NEGR1: variants seen among roughly 807,000 people sequenced by gnomAD.
NEGR1 encodes the protein IgLON family member 4.
Under a neutral mutation model 40.9 loss-of-function variants are expected in NEGR1, and 10 were observed. The observed-to-expected ratio is 0.24, with a 90% confidence interval of 0.15 to 0.42. The LOEUF (loss-of-function observed/expected upper bound fraction) is 0.42, where lower values mean the gene tolerates loss of function less well. Ranked by LOEUF, NEGR1 falls within the 10% of genes least tolerant of loss-of-function variation. The pLI, the probability that NEGR1 is intolerant of heterozygous loss-of-function variation, is 1.00. For missense variants in NEGR1, 352 were observed against 438.9 expected (o/e 0.80, Z 1.77); for synonymous variants, 185 against 166.8 (o/e 1.11, Z -0.84).
intron 6 of NEGR1, among the ~76,000 whole-genome samples, chr1:71,499,717 A>C (rs1419113353): frequency 1.3e-5 from 2 of 151,980 alleles, no homozygotes; most frequent in Admixed American, 6.6e-5. Flanking sequence ...GTAGATGTTC[A>C]CTACCAATCA....
At chr1:71,553,526 G>C (rs1051873839) in intron 6 of NEGR1, among the ~76,000 whole-genome samples, 10 of 151,430 alleles carry the variant, frequency 6.6e-5, no homozygotes, top group African/African-American at 2.2e-4. Context: ...GTCATGAGTG[G>C]AGAAATCTGA....
chr1:71,789,908 A>G (rs981998302), intron 2 of NEGR1, among the ~76,000 whole-genome samples: 1 of 152,078 alleles, frequency 6.6e-6, no homozygotes, highest in Non-Finnish European at 1.5e-5. Flanking sequence ...GTATTTTTGC[A>G]TACACCTAAC....
chr1:72,129,840 C>T (rs1650176174), intron 1 of NEGR1, among the ~76,000 whole-genome samples: 1 of 152,186 alleles, frequency 6.6e-6, no homozygotes, highest in Non-Finnish European at 1.5e-5. Context: ...AATATTGTCA[C>T]ATCTGCCTTC....
chr1:72,036,728 C>A, intron 1 of NEGR1, among the ~76,000 whole-genome samples: 1 of 149,962 alleles, frequency 6.7e-6, no homozygotes, highest in Non-Finnish European at 1.5e-5. Context: ...TGAAAAACAT[C>A]TATTATATAT....
At chr1:71,963,072 T>C (rs553688683) in intron 1 of NEGR1, among the ~76,000 whole-genome samples, 1 of 151,906 alleles carries the variant, frequency 6.6e-6, no homozygotes, top group East Asian at 1.9e-4. Context: ...AGCCAGAGTA[T>C]TTTTCTGTAT....
intron 4 of NEGR1, among the ~76,000 whole-genome samples, chr1:71,666,175 A>C (rs1281984841): frequency 6.6e-6 from 1 of 152,208 alleles, no homozygotes; most frequent in East Asian, 1.9e-4. Context: ...ACCATCACTC[A>C]AGAACATTAT....
intron 6 of NEGR1, among the ~76,000 whole-genome samples, chr1:71,432,850 G>T (rs537630285): frequency 1.3e-5 from 2 of 152,328 alleles, no homozygotes; most frequent in African/African-American, 4.8e-5. Flanking sequence ...CCTGGATGGT[G>T]TTGGAAGAAT....
intron 1 of NEGR1, among the ~76,000 whole-genome samples, chr1:72,055,243 A>G (rs1647099734): frequency 6.6e-6 from 1 of 151,260 alleles, no homozygotes; most frequent in Admixed American, 6.6e-5. Flanking sequence ...GAAAGTTTAC[A>G]TTAAAGACTA....
intron 6 of NEGR1, among the ~76,000 whole-genome samples, chr1:71,459,448 G>T (rs1646698809): frequency 1.3e-5 from 2 of 152,168 alleles, no homozygotes; most frequent in African/African-American, 4.8e-5. Context: ...AGACTTTGAA[G>T]ACTTTCTGCT....
At chr1:71,410,787 C>T (rs1465194517) in intron 6 of NEGR1, among the ~76,000 whole-genome samples, 1 of 152,112 alleles carries the variant, frequency 6.6e-6, no homozygotes, top group Admixed American at 6.5e-5. Flanking sequence ...GCTAATGATA[C>T]TCAAGTTAAG....
intron 1 of NEGR1, among the ~76,000 whole-genome samples, chr1:71,940,102 A>G (rs1337164560): frequency 6.6e-6 from 1 of 152,162 alleles, no homozygotes; most frequent in African/African-American, 2.4e-5. Flanking sequence ...TGGTCAGATC[A>G]TTAATGGGAC....
chr1:71,565,668 T>A (rs1648596013), intron 6 of NEGR1, among the ~76,000 whole-genome samples: 1 of 152,014 alleles, frequency 6.6e-6, no homozygotes, highest in Non-Finnish European at 1.5e-5. Flanking sequence ...AGCACACAGC[T>A]GAAGGAAGAA....
intron 6 of NEGR1, among the ~76,000 whole-genome samples, chr1:71,520,628 CTT>C (rs1647149632): frequency 6.6e-6 from 1 of 151,984 alleles, no homozygotes; most frequent in African/African-American, 2.4e-5. Context: ...GTGTTTAAGT[CTT>C]TGCTCTTTAC....
chr1:71,469,848 C>T (rs115542771), intron 6 of NEGR1, among the ~76,000 whole-genome samples: 1,743 of 152,162 alleles, frequency 0.011, 30 homozygotes, highest in African/African-American at 0.04. Context: ...TCACTGTATA[C>T]AAAAGTAGAG....
intron 1 of NEGR1, among the ~76,000 whole-genome samples, chr1:72,179,659 A>G (rs978237794): frequency 4.6e-5 from 7 of 152,112 alleles, no homozygotes; most frequent in Non-Finnish European, 7.4e-5. Context: ...AGTACTAGGC[A>G]TTTTATTCTA....
intron 3 of NEGR1, among the ~76,000 whole-genome samples, chr1:71,732,771 T>C (rs1313807749): frequency 1.3e-5 from 2 of 152,134 alleles, no homozygotes. Flanking sequence ...TACTAAGAAA[T>C]ACAGAGCAAA....
chr1:71,400,488 A>G lies in NEGR1; in HGVS notation c.*6958T>C, dbSNP rs1307905259. 2 of 152,104 alleles carry G rather than the reference A, an allele frequency of 1.3e-5. No individual in the cohort carries two copies. Among genetic ancestry groups the G allele is most frequent in the African/African-American group, 4.8e-5 (2 of 41,440 alleles). 9.4% of individuals were successfully genotyped at this position (152,104 alleles called of 1,614,324 possible). The stretch of plus-strand genomic sequence containing the variant: ...GTTAATTCTTTTTAACAAGTGCCCA[A>G]AATATATTATTTTTTCAACAAGGTG... On this transcript the variant is annotated 3_prime_UTR_variant, in exon 7 of 7. Coordinates refer to ENST00000357731, the MANE Select transcript of NEGR1 (RefSeq NM_173808.3).
chr1:72,109,191 A>G (rs1447714266), intron 1 of NEGR1, among the ~76,000 whole-genome samples: 1 of 151,746 alleles, frequency 6.6e-6, no homozygotes, highest in African/African-American at 2.4e-5. Context: ...AGAAAAGTAG[A>G]GGTGATATTA....
intron 1 of NEGR1, among the ~76,000 whole-genome samples, chr1:72,196,587 T>C (rs1653006789): frequency 6.6e-6 from 1 of 152,094 alleles, no homozygotes; most frequent in East Asian, 1.9e-4. Flanking sequence ...CTAGTCAATA[T>C]GGTGAAACTC....
Sources: gnomAD v4.1 joint callset for allele counts (sites outside exome capture counted in the v4.1 genomes callset) on GRCh38, gnomAD v4.1.1 for gene constraint, MANE v1.5 for transcripts, NCBI Gene and HGNC (gene_info 2026-07-23, HGNC 2026-07-21) for gene names.